SYNE1: variants seen among roughly 807,000 people sequenced by gnomAD.
SYNE1 encodes spectrin repeat containing nuclear envelope protein 1.
SYNE1 carries 616 observed loss-of-function variants against 1,111.0 expected under a neutral mutation model. The observed-to-expected ratio is 0.55, with a 90% CI of 0.52 to 0.59. The LOEUF is 0.59. Ranked by LOEUF, SYNE1 falls within the 20% of genes least tolerant of loss-of-function variation. The probability of loss-of-function intolerance (pLI) is 0.00; values close to 1 mark genes in which losing one functional copy is unlikely to be tolerated. For missense variants in SYNE1, 10,006 were observed against 10,417.0 expected (o/e 0.96, Z 1.72); for synonymous variants, 3,855 against 3,825.8 (o/e 1.01, Z -0.28).
chr6:152,561,986 T>C (rs1595419559), intron 3 of SYNE1, among the ~76,000 whole-genome samples: 1 of 152,162 alleles, frequency 6.6e-6, no homozygotes, highest in Admixed American at 6.6e-5. Context: ...AAATAGCTTC[T>C]TGATATTGGA....
At chr6:152,165,038 A>C (rs2063336606) in intron 130 of SYNE1, among the ~76,000 whole-genome samples, 1 of 152,172 alleles carries the variant, frequency 6.6e-6, no homozygotes, top group Non-Finnish European at 1.5e-5. Context: ...TCAAAGATTG[A>C]CAACTTATAC....
chr6:152,263,102 T>C (rs575452328), intron 100 of SYNE1, among the ~76,000 whole-genome samples: 2 of 150,204 alleles, frequency 1.3e-5, no homozygotes, highest in South Asian at 4.2e-4. Flanking sequence ...CACGGAAAGA[T>C]AGTACAGGGC....
chr6:152,407,762 CTTTTT>C (rs34322784), intron 44 of SYNE1, among the ~76,000 whole-genome samples: 1 of 123,982 alleles, frequency 8.1e-6, no homozygotes. Flanking sequence ...AAAGAATGTT[CTTTTT>C]TTTTTTTTTT....
At chr6:152,518,037 A>G (rs1424466076) in intron 6 of SYNE1, among the ~76,000 whole-genome samples, 1 of 152,022 alleles carries the variant, frequency 6.6e-6, no homozygotes, top group Non-Finnish European at 1.5e-5. Flanking sequence ...ACCTATCTCT[A>G]TAACAGATAA....
At chr6:152,531,030 T>C (rs561875505) in intron 4 of SYNE1, among the ~76,000 whole-genome samples, 4 of 152,132 alleles carry the variant, frequency 2.6e-5, no homozygotes, top group African/African-American at 9.7e-5. Context: ...ACTTCATAGT[T>C]GTCTAGGTTA....
At chr6:152,370,646 G>A (rs1353955241) in intron 59 of SYNE1, among the ~76,000 whole-genome samples, 9 of 152,158 alleles carry the variant, frequency 5.9e-5, no homozygotes, top group Admixed American at 2.0e-4. Context: ...TTATAAAGTG[G>A]TAGGTGGACG....
At chr6:152,285,475 A>G (rs562644042) in intron 95 of SYNE1, among the ~76,000 whole-genome samples, 1 of 152,238 alleles carries the variant, frequency 6.6e-6, no homozygotes, top group African/African-American at 2.4e-5. Flanking sequence ...TATGTACTGG[A>G]TTCTTGCTGT....
chr6:152,468,587 C>T (rs2098785359), intron 16 of SYNE1, among the ~76,000 whole-genome samples: 3 of 152,236 alleles, frequency 2.0e-5, no homozygotes, highest in South Asian at 4.1e-4. Context: ...TCAGTGGCTG[C>T]ATATCTGAGT....
intron 139 of SYNE1, among the ~76,000 whole-genome samples, 155 bp downstream of exon 139, chr6:152,141,048 A>G (rs888363379): frequency 2.1e-5 from 3 of 143,078 alleles, no homozygotes; most frequent in Non-Finnish European, 4.6e-5. Flanking sequence ...AAACAAACAA[A>G]CAACAAAAAA....
chr6:152,320,761 T>C (rs992364874), intron 84 of SYNE1, among the ~76,000 whole-genome samples: 1 of 152,218 alleles, frequency 6.6e-6, no homozygotes, highest in African/African-American at 2.4e-5. Context: ...GGCTCTTCTC[T>C]AGCAACATTA....
At chr6:152,265,530 C>A (rs2092611344) in intron 100 of SYNE1, among the ~76,000 whole-genome samples, 1 of 151,728 alleles carries the variant, frequency 6.6e-6, no homozygotes, top group Admixed American at 6.6e-5. Context: ...TTGCTTTTTT[C>A]TTTTGTGGTA....
At chr6:152,162,187 C>T (rs907378779) in intron 131 of SYNE1, among the ~76,000 whole-genome samples, 2 of 152,184 alleles carry the variant, frequency 1.3e-5, no homozygotes, top group Admixed American at 6.5e-5. Context: ...ATAGGCAACT[C>T]AACTTTCAGC....
intron 110 of SYNE1, among the ~76,000 whole-genome samples, chr6:152,235,551 G>A (rs1205925474): frequency 6.6e-6 from 1 of 152,134 alleles, no homozygotes; most frequent in Non-Finnish European, 1.5e-5. Flanking sequence ...AGTAGAAATG[G>A]GGTTTCTCCA....
chr6:152,527,230 C>T (rs2154354831), intron 4 of SYNE1, among the ~76,000 whole-genome samples: 1 of 152,194 alleles, frequency 6.6e-6, no homozygotes, highest in South Asian at 2.1e-4. Flanking sequence ...CTTTTTTTCT[C>T]TACCAACTGA....
chr6:152,321,781 T>A lies in SYNE1; in HGVS notation c.16023A>T (p.Glu5341Asp). 1.2e-6 allele frequency: 2 copies of A among 1,614,060 alleles called. No homozygotes were observed. The highest frequency in any genetic ancestry group is 2.2e-5 in the South Asian group (2 of 91,068). The change falls in exon 83 of 146, where the codon GAA (glutamate) becomes GAT (aspartate). Residue 5341 changes from glutamate to aspartate, a missense_variant. Physicochemically the swap from Glu to Asp is conservative, Grantham distance 45. Coordinates refer to ENST00000367255, the MANE Select transcript of SYNE1 (RefSeq NM_182961.4). ...TTGGATTCCCTAAATATTCTTTCGT[T>A]TCCTGAACCCAACATTTCACAGAAT... ...QINSVKCWVQETKEYLGNPTI... is the reference protein window; with the variant it reads ...QINSVKCWVQDTKEYLGNPTI...
chr6:152,637,162 GA>G (rs2129052118), intron 1 of SYNE1, 26 bp downstream of exon 1: 2 of 152,618 alleles, frequency 1.3e-5, no homozygotes, highest in African/African-American at 4.8e-5. Flanking sequence ...TGGGGGCGGG[GA>G]CCCGGAGGCT....
Position 152,309,838 on chromosome 6 carries a change from C to T in SYNE1, c.17199G>A (p.Met5733Ile), listed in dbSNP as rs1562958193. 6.2e-7 allele frequency: 1 copy of T among 1,613,852 alleles called. No homozygotes were observed. The highest frequency in any genetic ancestry group is 8.5e-7 in the Non-Finnish European group (1 of 1,180,022). The change falls in exon 90 of 146, where the codon ATG becomes ATA. Residue 5733 changes from methionine to isoleucine, a missense_variant. Met to Ile is a conservative substitution (Grantham distance 10, BLOSUM62 1). This residue lies in a region of SYNE1 where 4,955 missense variants were observed against 5,017.2 expected (regional missense o/e 0.99). Coordinates refer to ENST00000367255, the MANE Select transcript of SYNE1 (RefSeq NM_182961.4). ...GGTGTGGGTACCCTGCACCTGCCTG[C>T]ATGATGTTACACTGCTGGATGGCGG... is the stretch of plus-strand genomic sequence containing the variant. Reference protein sequence around the residue: ...QHTAIQQCNIMQEAVVQYEQY... With the variant: ...QHTAIQQCNIIQEAVVQYEQY...
intron 115 of SYNE1, 152 bp from the exon 116 acceptor site, chr6:152,226,028 T>C: frequency 1.4e-6 from 1 of 723,962 alleles, no homozygotes; most frequent in Non-Finnish European, 2.2e-6. Flanking sequence ...CAGAAGTACT[T>C]CTTCCTACAC....
chr6:152,331,374 G>T lies in SYNE1; in HGVS notation c.13311C>A (p.Leu4437=). ...LSDAQSHVNC[L]SDLVGQRRKY... is the part of the protein sequence containing the mutation. ...TTCTTCGCTGGCCCACTAAGTCACT[G>T]AGACAATTCACGTGGCTTTGTGCAT... is the stretch of plus-strand genomic sequence containing the variant. The change falls in exon 78 of 146, where the codon CTC becomes CTA. Residue 4437 remains leucine, a synonymous_variant. Transcript: ENST00000367255. 6.2e-7 allele frequency: 1 copy of T among 1,614,196 alleles called. No homozygotes were observed. Among genetic ancestry groups the T allele is most frequent in the Non-Finnish European group, 8.5e-7 (1 of 1,180,040 alleles).
Sources: gnomAD v4.1 joint callset for allele counts (sites outside exome capture counted in the v4.1 genomes callset) on GRCh38, gnomAD v4.1.1 for gene constraint, gnomAD v4.1.1 regional missense constraint, MANE v1.5 for transcripts, NCBI Gene and HGNC (gene_info 2026-07-23, HGNC 2026-07-21) for gene names.